The following WDSUB1 variants were observed in gnomAD, a reference collection of about 807,000 sequenced individuals.
The protein encoded by WDSUB1 is WD repeat, SAM and U-box domain-containing protein 1.
WDSUB1 carries 49 observed loss-of-function variants against 53.9 expected under a neutral mutation model. The ratio of observed to expected loss-of-function variants is 0.91; its 90% CI spans 0.72 to 1.15. WDSUB1 has a LOEUF of 1.15. Ranked by LOEUF, WDSUB1 falls within the 50% of genes most tolerant of loss-of-function variation. The probability of loss-of-function intolerance (pLI) is 0.00; values close to 1 mark genes in which losing one functional copy is unlikely to be tolerated. For missense variants in WDSUB1, 514 were observed against 562.0 expected, an observed-to-expected ratio of 0.91 and a Z score of 0.86; for synonymous variants, 194 against 200.6, an observed-to-expected ratio of 0.97 and a Z score of 0.28.
At chr2:159,253,490 T>C (rs1390908350) in intron 9 of WDSUB1, among the ~76,000 whole-genome samples, 1 of 152,222 alleles carries the variant, frequency 6.6e-6, no homozygotes, top group East Asian at 1.9e-4. Context: ...AAAAAAGATT[T>C]GATAAACTGC....
chr2:159,282,501 T>C lies in WDSUB1; in HGVS notation c.398+171A>G, dbSNP rs545874337. ...GCCACAGCACCTGGCCCAGTTAAAA[T>C]ATTTTTCCTTGTGCTACCTGAAAAC... On this transcript the variant is annotated intron_variant, in intron 2 of 10. Transcript: ENST00000359774. Among the ~76,000 whole-genome samples, 3 of 152,348 alleles carry C rather than the reference T, an allele frequency of 2.0e-5. No individual in the cohort carries two copies. The South Asian group carries it at 6.2e-4, about 32-fold the overall frequency.
intron 3 of WDSUB1, among the ~76,000 whole-genome samples, chr2:159,276,461 A>G (rs2061544170): frequency 6.6e-6 from 1 of 152,252 alleles, no homozygotes; most frequent in South Asian, 2.1e-4. Context: ...CTGGAATTAT[A>G]GAAATCAAAA....
At chr2:159,260,198 G>A (rs1314761830) in intron 5 of WDSUB1, among the ~76,000 whole-genome samples, 3 of 152,018 alleles carry the variant, frequency 2.0e-5, no homozygotes, top group Non-Finnish European at 2.9e-5. Context: ...CCATCTCCTT[G>A]GTAAGCTGAG....
Position 159,241,551 on chromosome 2 carries a change from G to C in WDSUB1, c.1274-5361C>G, listed in dbSNP as rs566484067. Among the ~76,000 whole-genome samples the C allele has an allele frequency of 1.6e-4, 23 of 148,240 alleles. 4 individuals are homozygous for C. In the East Asian group the frequency reaches 4.6e-3, roughly 29 times the overall value. The stretch of plus-strand genomic sequence containing the variant: ...CATTCCAGCCTGGGTGACACAGTGA[G>C]ACTCTGTCTCAAAACAAAAATTATC... On this transcript the variant is annotated intron_variant, in intron 10 of 10. Coordinates refer to ENST00000359774, the MANE Select transcript of WDSUB1 (RefSeq NM_001128212.3).
chr2:159,273,067 TAA>T (rs2061474149), intron 4 of WDSUB1, among the ~76,000 whole-genome samples: 1 of 152,224 alleles, frequency 6.6e-6, no homozygotes, highest in African/African-American at 2.4e-5. Context: ...AGCATTTAAC[TAA>T]AGAAAAAGGT....
intron 5 of WDSUB1, among the ~76,000 whole-genome samples, chr2:159,268,983 AAAAC>A (rs534289177): frequency 5.9e-5 from 9 of 152,304 alleles, no homozygotes; most frequent in Non-Finnish European, 1.2e-4. Context: ...GAAACAGGAA[AAAAC>A]AAACAAACAA....
intron 10 of WDSUB1, among the ~76,000 whole-genome samples, chr2:159,245,353 C>G (rs1461205554): frequency 1.3e-5 from 2 of 151,984 alleles, no homozygotes; most frequent in African/African-American, 4.8e-5. Flanking sequence ...CGTGGCGAAA[C>G]CCCATCTCTA....
At chr2:159,251,989 G>C (rs1559537263) in intron 9 of WDSUB1, among the ~76,000 whole-genome samples, 1 of 152,048 alleles carries the variant, frequency 6.6e-6, no homozygotes, top group Non-Finnish European at 1.5e-5. Flanking sequence ...CCCAGCTGGA[G>C]GCCAGTTACC....
chr2:159,244,935 A>T (rs13008526), intron 10 of WDSUB1, among the ~76,000 whole-genome samples: 1 of 151,970 alleles, frequency 6.6e-6, no homozygotes, highest in Non-Finnish European at 1.5e-5. Context: ...ATCTCTAAAA[A>T]GTAAAAATTT....
chr2:159,285,656 T>C (rs1385722426), intron 1 of WDSUB1, among the ~76,000 whole-genome samples: 2 of 152,142 alleles, frequency 1.3e-5, no homozygotes, highest in East Asian at 3.9e-4. Flanking sequence ...CGGTGAGCTG[T>C]GATTGCACCA....
At chr2:159,270,275 A>G (rs1316392877) in intron 5 of WDSUB1, among the ~76,000 whole-genome samples, 2 of 152,232 alleles carry the variant, frequency 1.3e-5, no homozygotes, top group African/African-American at 4.8e-5. Context: ...ACATTCTCAG[A>G]TTACAAGACC....
rs141434937 is a variant in WDSUB1, at chr2:159,284,595, T to C, written c.-24-1502A>G. 7.9e-5 allele frequency among the ~76,000 whole-genome samples: 12 copies of C among 152,244 alleles called. No individual in the cohort carries two copies. The East Asian group carries it at 2.3e-3, about 29-fold the overall frequency. ...TCCTGTCTGATAAATAGTAAAATTA[T>C]ACAAAAGACTTGAGGTGAGGAACCA... On this transcript the variant is annotated intron_variant, in intron 1 of 10. Coordinates refer to ENST00000359774, the MANE Select transcript of WDSUB1 (RefSeq NM_001128212.3).
intron 10 of WDSUB1, among the ~76,000 whole-genome samples, chr2:159,246,431 C>CAAAAA (rs35443297): frequency 2.6e-5 from 3 of 117,144 alleles, no homozygotes; most frequent in African/African-American, 1.0e-4. Context: ...GAGTCTGTCT[C>CAAAAA]AAAAAAAAAA....
rs768639008 is a variant in WDSUB1, at chr2:159,283,017, C to T, written c.53G>A (p.Cys18Tyr). The change falls in exon 2 of 11, where the codon TGT (cysteine) becomes TAT (tyrosine). Residue 18 changes from cysteine to tyrosine, a missense_variant. Transcript: ENST00000359774. ...AGCCAAGAGGGAAAAGGAGAAGGCA[C>T]AGCAGTTGACATCGTCACCATGATC... ...LADHGDDVNC[C>Y]AFSFSLLATC... The T allele has an allele frequency of 6.2e-7, 1 of 1,614,072 alleles. No homozygotes were observed. The highest frequency in any genetic ancestry group is 2.2e-5 in the East Asian group (1 of 44,890).
intron 1 of WDSUB1, chr2:159,286,317 G>A (rs566427146): frequency 3.7e-4 from 56 of 152,490 alleles, no homozygotes; most frequent in African/African-American, 1.0e-3. Context: ...TGTGGACTGA[G>A]CGACCCCAGG....
intron 9 of WDSUB1, among the ~76,000 whole-genome samples, chr2:159,251,541 C>T (rs919671153): frequency 6.6e-6 from 1 of 152,216 alleles, no homozygotes. Flanking sequence ...CTACCGGAAC[C>T]AAACATCTCC....
intron 9 of WDSUB1, among the ~76,000 whole-genome samples, chr2:159,253,866 A>G (rs1471853679): frequency 2.0e-5 from 3 of 152,222 alleles, no homozygotes; most frequent in African/African-American, 7.2e-5. Context: ...CCATTTATAG[A>G]AGATTAAAGT....
At chr2:159,267,335 T>C (rs979067106) in intron 5 of WDSUB1, among the ~76,000 whole-genome samples, 3 of 150,240 alleles carry the variant, frequency 2.0e-5, no homozygotes, top group Admixed American at 6.6e-5. Context: ...AGTTCTGACT[T>C]TGTTGCCCAG....
At chr2:159,248,654 G>A in intron 9 of WDSUB1, 142 bp from the exon 10 acceptor site, 1 of 970,928 alleles carries the variant, frequency 1.0e-6, no homozygotes, top group Admixed American at 3.7e-5. Context: ...CCAGGCTGGA[G>A]TGCAGTGGCA....
Sources: allele counts gnomAD v4.1 joint callset (sites outside exome capture counted in the v4.1 genomes callset), GRCh38; gene constraint gnomAD v4.1.1; transcripts MANE v1.5; gene names NCBI Gene and HGNC (gene_info 2026-07-23, HGNC 2026-07-21).